The following WNT3A variants were observed in gnomAD, a reference collection of about 807,000 sequenced individuals.
The protein encoded by WNT3A is protein Wnt-3a.
WNT3A carries 17 observed loss-of-function variants against 37.0 expected under a neutral mutation model. That is an observed-to-expected ratio of 0.46 (90% CI 0.31 to 0.69). The LOEUF (loss-of-function observed/expected upper bound fraction) is 0.69. Among genes scored for constraint, WNT3A ranks in the 30% least tolerant of loss-of-function variants. The pLI is 0.05. For missense variants in WNT3A, 411 were observed against 510.2 expected (o/e 0.81, Z 1.87); for synonymous variants, 187 against 211.0 (o/e 0.89, Z 0.99).
chr1:228,030,470 A>G (rs945515425), intron 2 of WNT3A, among the ~76,000 whole-genome samples: 2 of 152,170 alleles, frequency 1.3e-5, no homozygotes, highest in African/African-American at 4.8e-5. Context: ...CAGTCCTTCC[A>G]CCATGCATAT....
At chr1:228,009,867 G>A (rs1005516220) in intron 1 of WNT3A, among the ~76,000 whole-genome samples, 1 of 152,070 alleles carries the variant, frequency 6.6e-6, no homozygotes, top group Non-Finnish European at 1.5e-5. Context: ...TTATACCCAC[G>A]CAGCAGATGC....
intron 2 of WNT3A, among the ~76,000 whole-genome samples, chr1:228,033,813 T>A (rs571330709): frequency 9.2e-5 from 14 of 152,374 alleles, no homozygotes; most frequent in South Asian, 4.1e-4. Flanking sequence ...ATTTAGGTCT[T>A]TAATTTCTTT....
chr1:228,013,152 G>T (rs897947046), intron 1 of WNT3A, among the ~76,000 whole-genome samples: 2 of 152,114 alleles, frequency 1.3e-5, no homozygotes, highest in Non-Finnish European at 2.9e-5. Context: ...GGCTCCAGCA[G>T]TCCTCCCATC....
rs2031007217 is a variant in WNT3A at position 228,031,476 on chromosome 1, GT to G, written c.313+8569del. 6.6e-6 allele frequency among the ~76,000 whole-genome samples: 1 copy of G among 152,134 alleles called. No homozygotes were observed. The highest frequency in any genetic ancestry group is 1.5e-5 in the Non-Finnish European group (1 of 68,014). ...CCCAGGGCCGTGCAGCTCATCGAGC[GT>G]GTCCAAGGGTGTGTGTGGCGTGTGA... is the stretch of plus-strand genomic sequence containing the variant. On this transcript the variant is annotated intron_variant, in intron 2 of 3. Transcript: ENST00000284523. The surrounding 1 kb of genome is among the most constrained non-coding windows in gnomAD (Gnocchi z 4.8).
intron 2 of WNT3A, among the ~76,000 whole-genome samples, chr1:228,044,553 T>C (rs746191732): frequency 1.3e-5 from 2 of 152,214 alleles, no homozygotes; most frequent in African/African-American, 2.4e-5. Flanking sequence ...TCCCGACAAT[T>C]AGATGCAGGC....
In WNT3A at chr1:228,059,870, G is replaced by T. The variant is rs548966168; in HGVS notation, c.*405G>T. On this transcript the variant is annotated 3_prime_UTR_variant, in exon 4 of 4. Coordinates refer to ENST00000284523, the MANE Select transcript of WNT3A (RefSeq NM_033131.4). ...TCTGGGTGGGCGGGGCACTAGGTAG[G>T]CTTCTACCTGCAGGCGGGGCTCCTC... 1 of 1,058,368 alleles carries T rather than the reference G, an allele frequency of 9.4e-7. No homozygotes were observed. The highest frequency in any genetic ancestry group is 1.1e-6 in the Non-Finnish European group (1 of 875,868). The allele number at this position is 1,058,368 out of a possible 1,614,324, so 65.6% of individuals were successfully genotyped here. A position where few individuals can be genotyped will look rare whatever the true frequency, so the allele number is the denominator to read the frequency against.
At chr1:228,011,285 T>C (rs1339418543) in intron 1 of WNT3A, among the ~76,000 whole-genome samples, 3 of 152,042 alleles carry the variant, frequency 2.0e-5, no homozygotes, top group African/African-American at 7.3e-5. Context: ...TGGCCCAGGG[T>C]ACCCAGAAGC....
chr1:228,040,623 C>G (rs1265171697), intron 2 of WNT3A, among the ~76,000 whole-genome samples: 2 of 152,088 alleles, frequency 1.3e-5, no homozygotes, highest in African/African-American at 4.8e-5. Flanking sequence ...GTGGCTCATG[C>G]CTGTAATCTC....
intron 2 of WNT3A, among the ~76,000 whole-genome samples, chr1:228,032,691 C>A (rs1304640235): frequency 6.6e-6 from 1 of 152,106 alleles, no homozygotes; most frequent in East Asian, 1.9e-4. Context: ...TGGCATATAC[C>A]TAGGAGCAGA....
At chr1:228,013,024 G>A (rs1285022031) in intron 1 of WNT3A, among the ~76,000 whole-genome samples, 1 of 151,920 alleles carries the variant, frequency 6.6e-6, no homozygotes, top group East Asian at 1.9e-4. Context: ...GACCACAGGC[G>A]AGCACCACCA....
chr1:228,026,248 T>A (rs2030853496), intron 2 of WNT3A, among the ~76,000 whole-genome samples: 1 of 152,174 alleles, frequency 6.6e-6, no homozygotes, highest in South Asian at 2.1e-4. Flanking sequence ...TGATGTCATC[T>A]GTGGATGGAA....
At position 228,007,064 on chromosome 1, in the gene WNT3A, CG is replaced by C; in HGVS notation, c.-63del. 7.6e-7 allele frequency: 1 copy of C among 1,321,862 alleles called. No homozygotes were observed. The allele number at this position is 1,321,862 out of a possible 1,614,324, so 81.9% of individuals were successfully genotyped here. A position where few individuals can be genotyped will look rare whatever the true frequency, so the allele number is the denominator to read the frequency against. On this transcript the variant is annotated 5_prime_UTR_variant, in exon 1 of 4. Coordinates refer to ENST00000284523, the MANE Select transcript of WNT3A (RefSeq NM_033131.4). The surrounding 1 kb of genome is among the most constrained non-coding windows in gnomAD (Gnocchi z 6.0). The stretch of plus-strand genomic sequence containing the variant: ...CGCCGCCGCGCCAGCTCCCAGGGCC[CG>C]GCCCCCCCCGGCGCTCACGCTCTCG...
chr1:228,055,958 A>G (rs867605340), intron 3 of WNT3A, among the ~76,000 whole-genome samples: 1 of 152,178 alleles, frequency 6.6e-6, no homozygotes, highest in African/African-American at 2.4e-5. Context: ...TTCTCTCTAC[A>G]TATGGAAGTT....
At chr1:228,030,963 G>C (rs548510014) in intron 2 of WNT3A, among the ~76,000 whole-genome samples, 2 of 152,344 alleles carry the variant, frequency 1.3e-5, no homozygotes, top group South Asian at 2.1e-4. Flanking sequence ...GCCCTGGGGG[G>C]CCTGGCATGT....
chr1:228,036,590 G>A (rs1308910530), intron 2 of WNT3A, among the ~76,000 whole-genome samples: 1 of 152,194 alleles, frequency 6.6e-6, no homozygotes, highest in Non-Finnish European at 1.5e-5. Context: ...CTCTTCTGGG[G>A]TCCAAAAGGA....
chr1:228,049,396 T>G (rs2031493844), intron 2 of WNT3A, among the ~76,000 whole-genome samples: 1 of 152,248 alleles, frequency 6.6e-6, no homozygotes, highest in Non-Finnish European at 1.5e-5. Context: ...TATTCCTAAA[T>G]TAAATGCTGT....
At chr1:228,021,665 G>A (rs2030711325) in intron 1 of WNT3A, among the ~76,000 whole-genome samples, 1 of 152,242 alleles carries the variant, frequency 6.6e-6, no homozygotes, top group Non-Finnish European at 1.5e-5. Flanking sequence ...TCTCATTGTG[G>A]ACACGTGTTT....
chr1:228,060,371 A>G lies in WNT3A; in HGVS notation c.*906A>G, dbSNP rs2031777895. The G allele has an allele frequency of 8.1e-7, 1 of 1,237,706 alleles. No homozygotes were observed. Among genetic ancestry groups the G allele is most frequent in the African/African-American group, 1.5e-5 (1 of 64,694 alleles). The allele number at this position is 1,237,706 out of a possible 1,614,324, so 76.7% of individuals were successfully genotyped here. On this transcript the variant is annotated 3_prime_UTR_variant, in exon 4 of 4. Coordinates refer to ENST00000284523, the MANE Select transcript of WNT3A (RefSeq NM_033131.4). ...CCCCTCTCCAAGCGCCTGGCTTTGG[A>G]ATGCTCCAGGCGCGCCGACGCCTGT... is the stretch of plus-strand genomic sequence containing the variant.
rs76910772 is a variant in WNT3A, at chr1:228,037,220, C to T, written c.314-13436C>T. Among the ~76,000 whole-genome samples, 8,540 of 152,018 alleles carry T rather than the reference C, an allele frequency of 0.056. 816 individuals carry two copies. Among genetic ancestry groups the T allele is most frequent in the African/African-American group, 0.19 (8,031 of 41,450 alleles). On this transcript the variant is annotated intron_variant, in intron 2 of 3. Transcript: ENST00000284523. This position sits in a 1 kb window ranked among gnomAD's most constrained non-coding sequence, Gnocchi z 4.1. ...TCCCACTCAGCCTTCACACACCACCCCCTCTTCAAGCATTTCCAGTCCCCA... is the reference window on the plus strand; with the variant it reads ...TCCCACTCAGCCTTCACACACCACCTCCTCTTCAAGCATTTCCAGTCCCCA...
Sources: gnomAD v4.1 joint callset for allele counts (sites outside exome capture counted in the v4.1 genomes callset) on GRCh38, gnomAD v4.1.1 for gene constraint, Gnocchi (gnomAD v3.1) non-coding constraint, MANE v1.5 for transcripts, NCBI Gene and HGNC (gene_info 2026-07-23, HGNC 2026-07-21) for gene names.